CCNY: variants seen among roughly 807,000 people sequenced by gnomAD.
CCNY encodes the protein cyclin-Y.
In CCNY, 19 loss-of-function variants were observed where a neutral mutation model predicts 42.8. The ratio of observed to expected loss-of-function variants is 0.44; its 90% CI spans 0.31 to 0.65. The LOEUF (loss-of-function observed/expected upper bound fraction) is 0.65, where lower values mean the gene tolerates loss of function less well. CCNY is among the 30% of genes least tolerant of loss of function. The pLI is 0.07. For synonymous variants in CCNY, 165 were observed against 162.7 expected (o/e 1.01, Z -0.11); for missense variants, 370 against 437.3 (o/e 0.85, Z 1.37).
chr10:35,535,257 C>CT (rs1275142798), intron 7 of CCNY, among the ~76,000 whole-genome samples: 1 of 151,966 alleles, frequency 6.6e-6, no homozygotes, highest in African/African-American at 2.4e-5. Flanking sequence ...AGCTGCTTGA[C>CT]TTAGAGCAGG....
At chr10:35,260,275 G>A (rs2095718591) in intron 3 of CCNY, among the ~76,000 whole-genome samples, 1 of 152,128 alleles carries the variant, frequency 6.6e-6, no homozygotes, top group Non-Finnish European at 1.5e-5. Context: ...AAAGACTCTT[G>A]AATCATGGGA....
chr10:35,517,195 G>A (rs1025763484), intron 4 of CCNY, among the ~76,000 whole-genome samples: 4 of 152,152 alleles, frequency 2.6e-5, no homozygotes, highest in Admixed American at 2.0e-4. Context: ...TTTTTAAATG[G>A]AGTTTATAAG....
At chr10:35,416,891 A>G (rs1838036278) in intron 1 of CCNY, among the ~76,000 whole-genome samples, 1 of 152,202 alleles carries the variant, frequency 6.6e-6, no homozygotes, top group Non-Finnish European at 1.5e-5. Context: ...AAACCAGGGA[A>G]GAGAAAGCCC....
At chr10:35,507,710 C>T (rs1255675779) in intron 3 of CCNY, among the ~76,000 whole-genome samples, 3 of 152,110 alleles carry the variant, frequency 2.0e-5, no homozygotes, top group Non-Finnish European at 4.4e-5. Context: ...GGCATGCACG[C>T]TCTATGTCCT....
intron 1 of CCNY, among the ~76,000 whole-genome samples, chr10:35,476,381 G>A (rs1839510219): frequency 6.6e-6 from 1 of 151,960 alleles, no homozygotes; most frequent in Non-Finnish European, 1.5e-5. Flanking sequence ...CCACATAGTT[G>A]GAAGTAAAGC....
chr10:35,421,191 C>T (rs1035620369), intron 1 of CCNY, among the ~76,000 whole-genome samples: 1 of 152,202 alleles, frequency 6.6e-6, no homozygotes, highest in African/African-American at 2.4e-5. Context: ...GGTGTTGTTC[C>T]TGGATCACCT....
At chr10:35,265,958 G>A (rs1280677672) in intron 3 of CCNY, among the ~76,000 whole-genome samples, 1 of 152,122 alleles carries the variant, frequency 6.6e-6, no homozygotes, top group African/African-American at 2.4e-5. Flanking sequence ...CATTCTACAA[G>A]CACAATTATT....
At chr10:35,444,249 C>CTTTTTTTTTTT (rs1323493317) in intron 1 of CCNY, among the ~76,000 whole-genome samples, 61 of 136,552 alleles carry the variant, frequency 4.5e-4, no homozygotes, top group African/African-American at 1.6e-3. Context: ...TGTTTTTTGG[C>CTTTTTTTTTTT]TTTTTTTTTT....
intron 5 of CCNY, 40 bp downstream of exon 5, chr10:35,526,039 C>A: frequency 6.4e-7 from 1 of 1,556,370 alleles, no homozygotes. Context: ...CATACGTTAT[C>A]TTCTGTTATG....
chr10:35,536,804 G>C (rs1004094510), intron 7 of CCNY, among the ~76,000 whole-genome samples: 1 of 152,130 alleles, frequency 6.6e-6, no homozygotes, highest in Non-Finnish European at 1.5e-5. Flanking sequence ...TGTTAAAGGC[G>C]TTCAGTTTTA....
intron 3 of CCNY, among the ~76,000 whole-genome samples, chr10:35,282,734 A>C (rs1447971110): frequency 2.6e-5 from 4 of 151,304 alleles, no homozygotes; most frequent in Non-Finnish European, 4.4e-5. Context: ...AAAAAAAAAA[A>C]AAAGAAAAGA....
intron 8 of CCNY, among the ~76,000 whole-genome samples, chr10:35,563,268 C>G (rs950795452): frequency 6.6e-6 from 1 of 152,130 alleles, no homozygotes; most frequent in East Asian, 1.9e-4. Flanking sequence ...TAACCAGAAA[C>G]TCAAGCTTGG....
At chr10:35,542,124 T>C (rs985828793) in intron 7 of CCNY, among the ~76,000 whole-genome samples, 10 of 147,856 alleles carry the variant, frequency 6.8e-5, no homozygotes, top group African/African-American at 2.5e-4. Flanking sequence ...ATATTGTATC[T>C]AGTTGCCGTG....
chr10:35,320,223 A>G (rs1835805291), intron 3 of CCNY, among the ~76,000 whole-genome samples: 1 of 152,206 alleles, frequency 6.6e-6, no homozygotes, highest in Non-Finnish European at 1.5e-5. Context: ...ATCCTTAGTT[A>G]AATTTTTGGC....
intron 1 of CCNY, among the ~76,000 whole-genome samples, chr10:35,478,483 C>T (rs372793577): frequency 1.1e-4 from 16 of 151,946 alleles, no homozygotes; most frequent in East Asian, 7.7e-4. Context: ...GAAATAACGC[C>T]GCATATCTAC....
Position 35,483,048 on chromosome 10 carries a change from C to T in CCNY, c.155-356C>T, listed in dbSNP as rs148244306. 1.1e-4 allele frequency among the ~76,000 whole-genome samples: 16 copies of T among 152,278 alleles called. No homozygotes were observed. The East Asian group carries it at 2.9e-3, about 28-fold the overall frequency. ...GAATAAGGAACTACCATGTACTTGA[C>T]TGTAATGTTTCGATGAATCTGTTGT... On this transcript the variant is annotated intron_variant, in intron 1 of 9. Transcript: ENST00000374704.
intron 3 of CCNY, among the ~76,000 whole-genome samples, chr10:35,310,324 C>T (rs1184472053): frequency 6.6e-6 from 1 of 152,142 alleles, no homozygotes; most frequent in Non-Finnish European, 1.5e-5. Context: ...CATTCATTTG[C>T]TGATAGGCAC....
chr10:35,267,025 T>C (rs988644648), intron 3 of CCNY, among the ~76,000 whole-genome samples: 1 of 148,428 alleles, frequency 6.7e-6, no homozygotes, highest in Non-Finnish European at 1.5e-5. Flanking sequence ...GAGGGTGCAG[T>C]GAGCTGAGAT....
chr10:35,553,323 C>CA, intron 8 of CCNY, 138 bp downstream of exon 8: 3 of 773,022 alleles, frequency 3.9e-6, no homozygotes, highest in Non-Finnish European at 6.0e-6. Flanking sequence ...GCTGTTACAA[C>CA]AGGGGCATGG....
Sources: allele counts gnomAD v4.1 joint callset (sites outside exome capture counted in the v4.1 genomes callset), GRCh38; gene constraint gnomAD v4.1.1; transcripts MANE v1.5; gene names NCBI Gene and HGNC (gene_info 2026-07-23, HGNC 2026-07-21).